The following MCOLN3 variants were observed in gnomAD, a reference collection of about 807,000 sequenced individuals.
MCOLN3 encodes the protein mucolipin TRP cation channel 3.
A neutral mutation model predicts 69.4 loss-of-function variants in MCOLN3; 62 were observed. The observed-to-expected ratio is 0.89, with a 90% CI of 0.73 to 1.10. The LOEUF (loss-of-function observed/expected upper bound fraction) is 1.10, where lower values mean the gene tolerates loss of function less well. MCOLN3 is among the 50% of genes least tolerant of loss of function. The pLI is 0.00. For missense variants in MCOLN3, 564 were observed against 656.4 expected, an observed-to-expected ratio of 0.86 and a Z score of 1.54; for synonymous variants, 183 against 217.0, an observed-to-expected ratio of 0.84 and a Z score of 1.38.
chr1:85,026,201 A>T lies in MCOLN3; in HGVS notation c.916T>A (p.Ser306Thr), dbSNP rs1293992791. ...CLVSLILCIRSVIRGLQLQQE... is the reference protein window; with the variant it reads ...CLVSLILCIRTVIRGLQLQQE... ...TGAAGCTGAAGTCCTCTAATCACAG[A>T]TCTAATGCAGAGGATTAATGAAACC... Residue 306 changes from serine to threonine, a missense_variant, in exon 8 of 13, where the codon TCT becomes ACT. Coordinates refer to ENST00000370589, the MANE Select transcript of MCOLN3 (RefSeq NM_018298.11). 1 of 1,614,116 alleles carries T rather than the reference A, an allele frequency of 6.2e-7. No individual in the cohort carries two copies. Among genetic ancestry groups the T allele is most frequent in the East Asian group, 2.2e-5 (1 of 44,874 alleles).
At chr1:85,047,975 C>G (rs572426546) in intron 1 of MCOLN3, among the ~76,000 whole-genome samples, 1 of 152,344 alleles carries the variant, frequency 6.6e-6, no homozygotes, top group South Asian at 2.1e-4. Flanking sequence ...GGGGGACAGT[C>G]CGCCTTGAAA....
chr1:85,025,835 T>C, intron 9 of MCOLN3, 104 bp downstream of exon 9: 1 of 1,185,676 alleles, frequency 8.4e-7, no homozygotes, highest in African/African-American at 1.6e-5. Flanking sequence ...TGATATACAG[T>C]TTGGAAGAAA....
chr1:85,039,339 C>T (rs534956136), intron 3 of MCOLN3, among the ~76,000 whole-genome samples: 1 of 152,264 alleles, frequency 6.6e-6, no homozygotes, highest in South Asian at 2.1e-4. Flanking sequence ...AATAGGACTA[C>T]TGGCCTTATA....
In MCOLN3 at chr1:85,021,256, G is replaced by A. The variant is rs1651923347; in HGVS notation, c.1341C>T (p.Val447=). The part of the protein sequence containing the change: ...YHDKFRSLNM[V]SECLFSLING... ...TTATCAGAGAGAAAAGGCACTCAGA[G>A]ACCATGTTCAGAGAACGAAACTGGA... The change falls in exon 12 of 13, where the codon GTC becomes GTT. Residue 447 remains valine (V), a synonymous_variant. Transcript: ENST00000370589. The A allele has an allele frequency of 6.2e-7, 1 of 1,611,694 alleles. No individual in the cohort carries two copies. Among genetic ancestry groups the A allele is most frequent in the Admixed American group, 1.7e-5 (1 of 59,620 alleles).
intron 1 of MCOLN3, among the ~76,000 whole-genome samples, chr1:85,046,311 G>T (rs962605739): frequency 6.6e-6 from 1 of 151,958 alleles, no homozygotes; most frequent in Non-Finnish European, 1.5e-5. Flanking sequence ...CTATTTGGGG[G>T]GGGGGGCAGG....
chr1:85,041,049 T>C lies in MCOLN3; in HGVS notation c.357A>G (p.Gln119=). The change falls in exon 3 of 13, where the codon CAA becomes CAG. Residue 119 remains glutamine (Q), a synonymous_variant. Coordinates refer to ENST00000370589, the MANE Select transcript of MCOLN3 (RefSeq NM_018298.11). ...AGATTAACTGATCATACACGTCACT[T>C]TGTGTGTACACTGCATATGTGTCAT... ...RMDDTYAVYT[Q]SDVYDQLIFA... is the part of the protein sequence containing the mutation. The C allele has an allele frequency of 6.2e-7, 1 of 1,613,854 alleles. No homozygotes were observed. Among genetic ancestry groups the C allele is most frequent in the Non-Finnish European group, 8.5e-7 (1 of 1,179,936 alleles).
chr1:85,022,403 AAG>A lies in MCOLN3; in HGVS notation c.1096-5_1096-4del. 6.4e-7 allele frequency: 1 copy of A among 1,566,730 alleles called. No homozygotes were observed. The highest frequency in any genetic ancestry group is 8.7e-7 in the Non-Finnish European group (1 of 1,145,322). ...CAGACATCATAACTAGTTAGACTCT[AAG>A]AGAGAGTGGAAAAATATAATCAGAT... On this transcript the variant is annotated splice_region_variant and splice_polypyrimidine_tract_variant and intron_variant, in intron 9 of 12. Coordinates refer to ENST00000370589, the MANE Select transcript of MCOLN3 (RefSeq NM_018298.11).
intron 1 of MCOLN3, among the ~76,000 whole-genome samples, chr1:85,047,780 A>T (rs1653441949): frequency 6.6e-6 from 1 of 152,150 alleles, no homozygotes; most frequent in Admixed American, 6.5e-5. Context: ...ACAAGGGTTG[A>T]CACTTTTGTT....
chr1:85,045,323 G>A lies in MCOLN3; in HGVS notation c.38C>T (p.Ser13Phe), dbSNP rs1454138318. 1.9e-6 allele frequency: 3 copies of A among 1,614,016 alleles called. No homozygotes were observed. The highest frequency in any genetic ancestry group is 2.2e-5 in the South Asian group (2 of 91,056). Residue 13 changes from serine to phenylalanine, a missense_variant, in exon 2 of 13, where the codon TCT becomes TTT. Coordinates refer to ENST00000370589, the MANE Select transcript of MCOLN3 (RefSeq NM_018298.11). ...ATTGCAGCGATTTTCCTCTTCATGAGAGCTGCAGCTACTCACAACTACCTC... is the reference window on the plus strand; with the variant it reads ...ATTGCAGCGATTTTCCTCTTCATGAAAGCTGCAGCTACTCACAACTACCTC... ...DPEVVVSSCS[S>F]HEEENRCNFN...
chr1:85,026,756 C>CA lies in MCOLN3; in HGVS notation c.833-473dup, dbSNP rs562109815. ...TGGGTGACAGAGCGAGACTCCATCT[C>CA]AAAAAAAAAAAAAAGAAAAATCACC... On this transcript the variant is annotated intron_variant, in intron 7 of 12. Transcript: ENST00000370589. Among the ~76,000 whole-genome samples, 260 of 93,616 alleles carry CA rather than the reference C, an allele frequency of 2.8e-3. 1 individual carries two copies. Among genetic ancestry groups the CA allele is most frequent in the Middle Eastern group, 8.8e-3 (1 of 114 alleles). The allele number at this position is 93,616 out of a possible 152,430, so 61.4% of individuals were successfully genotyped here.
intron 11 of MCOLN3, among the ~76,000 whole-genome samples, chr1:85,021,507 G>T (rs1651938535): frequency 6.6e-6 from 1 of 152,208 alleles, no homozygotes; most frequent in Non-Finnish European, 1.5e-5. Context: ...TAAATCAAAT[G>T]TAGGAGCTGC....
rs200008017 is a variant in MCOLN3 at position 85,022,110 on chromosome 1, C to G, written c.1280G>C (p.Cys427Ser). The G allele has an allele frequency of 1.4e-5, 23 of 1,614,006 alleles. No homozygotes were observed. The highest frequency in any genetic ancestry group is 1.9e-5 in the Non-Finnish European group (22 of 1,180,002). ...CCAAMIYLGY[C>S]FCGWIVLGPY... The stretch of plus-strand genomic sequence containing the variant: ...CCCCAGCACGATCCATCCACAGAAG[C>G]AGTAACCTAAGTAAATCATAGCTGC... Residue 427 changes from cysteine (C) to serine (S), a missense_variant, in exon 11 of 13, where the codon TGC (cysteine) becomes TCC (serine). Transcript: ENST00000370589.
intron 9 of MCOLN3, chr1:85,022,769 G>A (rs1002593037): frequency 1.0e-5 from 2 of 199,186 alleles, no homozygotes; most frequent in Non-Finnish European, 2.0e-5. Context: ...CCAGGCACAG[G>A]GACTGGCAAG....
chr1:85,029,157 C>A lies in MCOLN3; in HGVS notation c.781G>T (p.Asp261Tyr). Residue 261 changes from aspartate (D) to tyrosine (Y), a missense_variant, in exon 7 of 13, where the codon GAT (aspartate) becomes TAT (tyrosine). Physicochemically the swap from Asp to Tyr is radical, Grantham distance 160. Coordinates refer to ENST00000370589, the MANE Select transcript of MCOLN3 (RefSeq NM_018298.11). Reference sequence around the variant, plus strand: ...CATTCTCTGATGGAAATGTCATTATCTAAACTTATTTTAATTCTTCCACTA... The same window carrying A: ...CATTCTCTGATGGAAATGTCATTATATAAACTTATTTTAATTCTTCCACTA... ...AHSGRIKISL[D>Y]NDISIRECKD... is the part of the protein sequence containing the mutation. The A allele has an allele frequency of 6.2e-7, 1 of 1,607,568 alleles. No individual in the cohort carries two copies. The highest frequency in any genetic ancestry group is 8.5e-7 in the Non-Finnish European group (1 of 1,174,200).
At chr1:85,020,476 A>G (rs1226083647) in intron 12 of MCOLN3, among the ~76,000 whole-genome samples, 1 of 152,242 alleles carries the variant, frequency 6.6e-6, no homozygotes, top group Non-Finnish European at 1.5e-5. Context: ...ATATTTCAAC[A>G]GGCTCAAATT....
At chr1:85,030,023 T>A (rs1392230625) in intron 6 of MCOLN3, 1 of 152,248 alleles carries the variant, frequency 6.6e-6, no homozygotes, top group Non-Finnish European at 1.5e-5. Context: ...AGATTTCAAA[T>A]GACTTTTAAA....
At chr1:85,036,677 A>C (rs1652819827) in intron 3 of MCOLN3, 1 of 151,978 alleles carries the variant, frequency 6.6e-6, no homozygotes, top group Non-Finnish European at 1.5e-5. Context: ...CTGCCCCCTC[A>C]TACTTGCCTC....
intron 2 of MCOLN3, among the ~76,000 whole-genome samples, chr1:85,043,046 G>T (rs1653147142): frequency 6.6e-6 from 1 of 152,132 alleles, no homozygotes; most frequent in Non-Finnish European, 1.5e-5. Context: ...AACATAGGAA[G>T]GTAGATGAGC....
At chr1:85,030,994 C>A (rs565951520) in intron 6 of MCOLN3, among the ~76,000 whole-genome samples, 1 of 151,982 alleles carries the variant, frequency 6.6e-6, no homozygotes, top group Non-Finnish European at 1.5e-5. Context: ...CAGTGAGGGC[C>A]GGGCACGGTG....
Sources: gnomAD v4.1 joint callset for allele counts (sites outside exome capture counted in the v4.1 genomes callset) on GRCh38, gnomAD v4.1.1 for gene constraint, MANE v1.5 for transcripts, NCBI Gene and HGNC (gene_info 2026-07-23, HGNC 2026-07-21) for gene names.